CPS1: variants seen among roughly 807,000 people sequenced by gnomAD.
CPS1 encodes carbamoyl-phosphate synthase 1.
CPS1 carries 109 observed loss-of-function variants against 174.6 expected under a neutral mutation model. The observed-to-expected ratio is 0.62, with a 90% CI of 0.53 to 0.73. The LOEUF is 0.73. Among genes scored for constraint, CPS1 ranks in the 30% least tolerant of loss-of-function variants. CPS1 has a pLI of 0.00. For synonymous variants in CPS1, 637 were observed against 632.0 expected (o/e 1.01, Z -0.12); for missense variants, 1,689 against 1,821.9 (o/e 0.93, Z 1.33).
At chr2:210,673,025 A>C (rs1319267086) in intron 34 of CPS1, 3 of 152,188 alleles carry the variant, frequency 2.0e-5, no homozygotes. Context: ...CAAGGATCAC[A>C]TGTGTTTTAT....
intron 1 of CPS1, among the ~76,000 whole-genome samples, chr2:210,503,045 T>G: frequency 6.6e-6 from 1 of 152,194 alleles, no homozygotes; most frequent in Non-Finnish European, 1.5e-5. Flanking sequence ...CAGGCAGAAT[T>G]GAGATCATTG....
intron 1 of CPS1, among the ~76,000 whole-genome samples, chr2:210,546,260 C>T (rs1375424624): frequency 6.6e-6 from 1 of 151,952 alleles, no homozygotes; most frequent in African/African-American, 2.4e-5. Context: ...TATGAGAGGT[C>T]ATGGTTGTTA....
intron 36 of CPS1, 144 bp downstream of exon 36, chr2:210,675,984 A>G (rs1427399109): frequency 4.4e-6 from 3 of 683,680 alleles, no homozygotes; most frequent in Non-Finnish European, 5.4e-6. Flanking sequence ...GTCAAGTTTC[A>G]CTCTCCATCA....
At chr2:210,554,256 C>CAT (rs1172455795), upstream of CPS1, among the ~76,000 whole-genome samples, 13 of 138,814 alleles carry the variant, frequency 9.4e-5, no homozygotes, top group Admixed American at 1.4e-4. Flanking sequence ...TATACACACA[C>CAT]ATATATATAT....
In CPS1 at chr2:210,638,675, A is replaced by T. The variant is rs142847343; in HGVS notation, c.2830-475A>T. ...TTGATTTCCAAATATGTTCAATGAG[A>T]TCTTGTTCTCCCCCCGTTCATCCCC... On this transcript the variant is annotated intron_variant, in intron 22 of 37. Transcript: ENST00000233072. Among the ~76,000 whole-genome samples, 667 of 152,188 alleles carry T rather than the reference A, an allele frequency of 4.4e-3. 7 individuals are homozygous for T. Among genetic ancestry groups the T allele is most frequent in the African/African-American group, 0.015 (614 of 41,518 alleles).
At chr2:210,483,355 C>A (rs1033528600) in intron 1 of CPS1, among the ~76,000 whole-genome samples, 1 of 152,196 alleles carries the variant, frequency 6.6e-6, no homozygotes, top group Non-Finnish European at 1.5e-5. Flanking sequence ...TTTACTCGAA[C>A]TATTTCCTTT....
chr2:210,538,003 G>C (rs1027992815), intron 1 of CPS1, among the ~76,000 whole-genome samples: 3 of 152,106 alleles, frequency 2.0e-5, no homozygotes, highest in Admixed American at 1.3e-4. Context: ...CATTTTTCTG[G>C]TAATTAGCAA....
At chr2:210,531,307 C>A (rs563971984) in intron 1 of CPS1, among the ~76,000 whole-genome samples, 5 of 152,222 alleles carry the variant, frequency 3.3e-5, no homozygotes, top group African/African-American at 1.2e-4. Flanking sequence ...GAACAGTACT[C>A]TTCTGCCAGC....
intron 2 of CPS1, among the ~76,000 whole-genome samples, chr2:210,575,744 T>C (rs1055908429): frequency 6.6e-6 from 1 of 152,028 alleles, no homozygotes; most frequent in Admixed American, 6.6e-5. Flanking sequence ...TTTCTAAAAT[T>C]AAAATATTTT....
rs3060429 is a variant in CPS1, at chr2:210,611,971, CT to C, written c.2392-133del. ...GAGAGAGGAAGAAAAAAAGGAACAC[CT>C]TTTTTTTTTTTTAATTTGAGAGGCT... is the stretch of plus-strand genomic sequence containing the variant. On this transcript the variant is annotated intron_variant, in intron 19 of 37. Coordinates refer to ENST00000233072, the MANE Select transcript of CPS1 (RefSeq NM_001875.5). 101,441 of 584,196 alleles carry C rather than the reference CT, an allele frequency of 0.17. 1,910 individuals carry two copies. Among genetic ancestry groups the C allele is most frequent in the East Asian group, 0.32 (9,557 of 29,862 alleles). The allele number at this position is 584,196 out of a possible 1,614,324, so 36.2% of individuals were successfully genotyped here.
intron 1 of CPS1, among the ~76,000 whole-genome samples, chr2:210,523,453 C>T (rs1695882403): frequency 6.6e-6 from 1 of 151,900 alleles, no homozygotes; most frequent in Non-Finnish European, 1.5e-5. Context: ...ACATAATGTA[C>T]AATGTACCTG....
chr2:210,520,252 A>G (rs886744406), intron 1 of CPS1, among the ~76,000 whole-genome samples: 3 of 152,154 alleles, frequency 2.0e-5, no homozygotes, highest in African/African-American at 7.2e-5. Flanking sequence ...CATCTGTGAA[A>G]CTATTACCAG....
At chr2:210,642,431 A>C in intron 24 of CPS1, 53 bp from the exon 25 acceptor site, 1 of 1,600,404 alleles carries the variant, frequency 6.2e-7, no homozygotes. Context: ...TTCTCTTTGT[A>C]TTGTAACTTC....
intron 1 of CPS1, among the ~76,000 whole-genome samples, chr2:210,564,741 C>T (rs1470563606): frequency 6.7e-6 from 1 of 149,372 alleles, no homozygotes; most frequent in African/African-American, 2.4e-5. Context: ...ACCTGTAATT[C>T]CAGCACTTTG....
chr2:210,601,414 T>C (rs1042414169), intron 15 of CPS1, among the ~76,000 whole-genome samples: 103 of 152,084 alleles, frequency 6.8e-4, no homozygotes, highest in Non-Finnish European at 2.4e-4. Flanking sequence ...CAGGTACTGC[T>C]GGGACAACTA....
chr2:210,663,593 T>A (rs574798542), intron 33 of CPS1, among the ~76,000 whole-genome samples: 1 of 152,306 alleles, frequency 6.6e-6, no homozygotes, highest in East Asian at 1.9e-4. Context: ...ATATGGAGAA[T>A]GACAGCATTA....
In CPS1 at chr2:210,636,067, G is replaced by A. The variant is rs1481580239; in HGVS notation, c.2688-1635G>A. Among the ~76,000 whole-genome samples the A allele has an allele frequency of 2.0e-5, 3 of 152,100 alleles. No homozygotes were observed. In the East Asian group the frequency reaches 5.8e-4, roughly 29 times the overall value. On this transcript the variant is annotated intron_variant, in intron 21 of 37. Transcript: ENST00000233072. ...TTTATTAACAGCATTTCATGAAAAT[G>A]TTTTCTTAAGGCAAGTTAGATCTTC...
chr2:210,510,797 C>T (rs1352116213), intron 1 of CPS1, among the ~76,000 whole-genome samples: 2 of 152,132 alleles, frequency 1.3e-5, no homozygotes, highest in African/African-American at 4.8e-5. Context: ...TCATCACTGG[C>T]CATCAGAGAA....
intron 22 of CPS1, among the ~76,000 whole-genome samples, chr2:210,638,146 A>C (rs1700095544): frequency 6.6e-6 from 1 of 152,246 alleles, no homozygotes; most frequent in African/African-American, 2.4e-5. Flanking sequence ...ACCTGTGTTC[A>C]AATATGTAAG....
Sources: gnomAD v4.1 joint callset for allele counts (sites outside exome capture counted in the v4.1 genomes callset) on GRCh38, gnomAD v4.1.1 for gene constraint, MANE v1.5 for transcripts, NCBI Gene and HGNC (gene_info 2026-07-23, HGNC 2026-07-21) for gene names.